The following TASP1 variants were observed in gnomAD, a reference collection of about 807,000 sequenced individuals.
TASP1 encodes threonine aspartase 1.
TASP1 carries 16 observed loss-of-function variants against 56.6 expected under a neutral mutation model. The ratio of observed to expected loss-of-function variants is 0.28; its 90% CI spans 0.19 to 0.43. TASP1 has a LOEUF of 0.43. TASP1 is among the 20% of genes least tolerant of loss of function. The pLI is 1.00. For missense variants in TASP1, 393 were observed against 511.6 expected, an observed-to-expected ratio of 0.77 and a Z score of 2.24; for synonymous variants, 179 against 184.2, an observed-to-expected ratio of 0.97 and a Z score of 0.23.
chr20:13,501,419 TGCC>T (rs2043942847), intron 10 of TASP1, among the ~76,000 whole-genome samples: 1 of 152,026 alleles, frequency 6.6e-6, no homozygotes, highest in Non-Finnish European at 1.5e-5. Context: ...TAACATAATA[TGCC>T]AAGAGCTCAA....
At chr20:13,160,174 T>C in the TASP1 span, 8 of 1,567,930 alleles carry the variant, frequency 5.1e-6, no homozygotes, top group East Asian at 2.3e-5. Flanking sequence ...TACCAGTACC[T>C]TGGATTCAAA....
At chr20:13,484,677 T>C (rs989755331) in intron 10 of TASP1, among the ~76,000 whole-genome samples, 1 of 145,880 alleles carries the variant, frequency 6.9e-6, no homozygotes, top group African/African-American at 2.5e-5. Flanking sequence ...CGGAGTTTGC[T>C]GTGAGCTGAG....
rs1413270548 is a variant in TASP1 at position 13,537,864 on chromosome 20, TATA to T, written c.676-3726_676-3724del. Among the ~76,000 whole-genome samples, 24 of 152,282 alleles carry T rather than the reference TATA, an allele frequency of 1.6e-4. No individual in the cohort carries two copies. The East Asian group carries it at 4.1e-3, about 26-fold the overall frequency. ...TTAGAGATGGTTATTATATAGTTAT[TATA>T]AGAATTAAAGTAACAGATGTAAACT... On this transcript the variant is annotated intron_variant, in intron 8 of 13. Transcript: ENST00000337743.
chr20:13,116,473 T>C, the TASP1 span, among the ~76,000 whole-genome samples: 1 of 152,278 alleles, frequency 6.6e-6, no homozygotes, highest in South Asian at 2.1e-4. Context: ...TTTTAATCCA[T>C]TGAGTCCCAG....
the TASP1 span, among the ~76,000 whole-genome samples, chr20:13,198,847 TTTCTTTCTTTCC>T: frequency 0.024 from 2,105 of 87,874 alleles, 23 homozygotes; most frequent in Non-Finnish European, 0.041. Flanking sequence ...TCTTTCTTTC[TTTCTTTCTTTCC>T]TTCCTTCCTT....
chr20:13,561,497 CG>C (rs1330108084), intron 7 of TASP1, among the ~76,000 whole-genome samples: 8 of 152,068 alleles, frequency 5.3e-5, no homozygotes, highest in Non-Finnish European at 1.0e-4. Context: ...TCCCAAGTAG[CG>C]GGGATTACAG....
At chr20:13,456,171 G>A (rs760820425) in intron 11 of TASP1, among the ~76,000 whole-genome samples, 7 of 152,132 alleles carry the variant, frequency 4.6e-5, no homozygotes, top group Non-Finnish European at 7.4e-5. Flanking sequence ...CCAGTCAAGA[G>A]CAACGGTCAT....
chr20:13,399,501 C>A (rs1184616000), intron 13 of TASP1, among the ~76,000 whole-genome samples: 1 of 152,134 alleles, frequency 6.6e-6, no homozygotes, highest in East Asian at 1.9e-4. Context: ...CAATTCTATT[C>A]TTCTGTTTAG....
chr20:13,177,188 C>T, the TASP1 span, among the ~76,000 whole-genome samples: 1 of 152,036 alleles, frequency 6.6e-6, no homozygotes, highest in African/African-American at 2.4e-5. Flanking sequence ...TTGAAGTGAG[C>T]TGAGATCATG....
chr20:13,430,925 A>C (rs2042783775), intron 12 of TASP1, among the ~76,000 whole-genome samples: 1 of 152,184 alleles, frequency 6.6e-6, no homozygotes, highest in Non-Finnish European at 1.5e-5. Flanking sequence ...ATTTGTCAAG[A>C]GGAAAGTCTA....
At chr20:13,301,057 T>C in the TASP1 span, among the ~76,000 whole-genome samples, 1 of 152,256 alleles carries the variant, frequency 6.6e-6, no homozygotes, top group Non-Finnish European at 1.5e-5. Context: ...CATCTTTCAT[T>C]TCCTAGCCTA....
chr20:13,630,514 C>A (rs2049043806), intron 1 of TASP1, among the ~76,000 whole-genome samples: 1 of 151,630 alleles, frequency 6.6e-6, no homozygotes, highest in South Asian at 2.1e-4. Flanking sequence ...CATGGTGAAA[C>A]CTCATCTCTA....
chr20:13,363,823 G>C, the TASP1 span, among the ~76,000 whole-genome samples: 2 of 152,212 alleles, frequency 1.3e-5, no homozygotes, highest in African/African-American at 2.4e-5. Flanking sequence ...GATGTCAGAA[G>C]TGTTGCATTG....
intron 12 of TASP1, among the ~76,000 whole-genome samples, chr20:13,432,062 G>C (rs898337666): frequency 6.6e-6 from 1 of 152,188 alleles, no homozygotes; most frequent in African/African-American, 2.4e-5. Flanking sequence ...AATAGAAACA[G>C]ACTAACAGAA....
chr20:13,607,784 T>C (rs1426221704), intron 4 of TASP1, among the ~76,000 whole-genome samples: 1 of 152,182 alleles, frequency 6.6e-6, no homozygotes, highest in African/African-American at 2.4e-5. Flanking sequence ...CCGGCCAACA[T>C]GATGAAATGC....
chr20:13,595,182 A>T (rs1189610274), intron 4 of TASP1, among the ~76,000 whole-genome samples: 1 of 152,174 alleles, frequency 6.6e-6, no homozygotes. Context: ...ATGCTGAGAG[A>T]TTTTGTCACC....
the TASP1 span, among the ~76,000 whole-genome samples, chr20:13,157,602 C>T: frequency 4.6e-5 from 7 of 151,810 alleles, no homozygotes; most frequent in Admixed American, 6.6e-5. Flanking sequence ...TAAAGCAACA[C>T]AGAGTCTAAT....
the TASP1 span, among the ~76,000 whole-genome samples, chr20:13,255,667 A>G: frequency 6.6e-6 from 1 of 152,230 alleles, no homozygotes; most frequent in African/African-American, 2.4e-5. Context: ...ATAAGCCTCT[A>G]TATGAATTAC....
In TASP1 at chr20:13,434,464, C is replaced by T. The variant is rs1409323291; in HGVS notation, c.1096+580G>A. On this transcript the variant is annotated intron_variant, in intron 12 of 13. Transcript: ENST00000337743. ...GTGCTTGGGTAGAAACAAAACCACA[C>T]ATCTGGATGGAAATCTGCAAATCTG... 2.0e-5 allele frequency among the ~76,000 whole-genome samples: 3 copies of T among 152,174 alleles called. No homozygotes were observed. In the East Asian group the frequency reaches 5.8e-4, roughly 29 times the overall value.
Sources: allele counts gnomAD v4.1 joint callset (sites outside exome capture counted in the v4.1 genomes callset), GRCh38; gene constraint gnomAD v4.1.1; transcripts MANE v1.5; gene names NCBI Gene and HGNC (gene_info 2026-07-23, HGNC 2026-07-21).